The following PCMTD1 variants were observed in gnomAD, a reference collection of about 807,000 sequenced individuals.
PCMTD1 encodes protein-L-isoaspartate (D-aspartate) O-methyltransferase domain containing 1, also known as protein-L-isoaspartate O-methyltransferase domain-containing protein 1.
A neutral mutation model predicts 37.6 loss-of-function variants in PCMTD1; 12 were observed. The ratio of observed to expected loss-of-function variants is 0.32; its 90% CI spans 0.20 to 0.52. The LOEUF is 0.52. PCMTD1 is among the 20% of genes least tolerant of loss of function. The probability of loss-of-function intolerance (pLI) is 0.97; values close to 1 mark genes in which losing one functional copy is unlikely to be tolerated. For synonymous variants in PCMTD1, 117 were observed against 135.8 expected (o/e 0.86, Z 0.96); for missense variants, 235 against 421.3 (o/e 0.56, Z 3.87).
chr8:51,840,689 G>A (rs1157950839), intron 3 of PCMTD1, among the ~76,000 whole-genome samples: 1 of 151,970 alleles, frequency 6.6e-6, no homozygotes, highest in Non-Finnish European at 1.5e-5. Context: ...TGTGAAAAAT[G>A]AACACATAAT....
chr8:51,822,178 C>T (rs553316284), intron 5 of PCMTD1, among the ~76,000 whole-genome samples: 3 of 152,150 alleles, frequency 2.0e-5, no homozygotes, highest in African/African-American at 7.2e-5. Context: ...GTCCAAGGAG[C>T]CGAAGGAAGA....
intron 1 of PCMTD1, among the ~76,000 whole-genome samples, chr8:51,891,551 G>C (rs1038281995): frequency 6.6e-6 from 1 of 151,086 alleles, no homozygotes. Context: ...GCGAGGCCCT[G>C]TCTCAAAAAA....
intron 2 of PCMTD1, among the ~76,000 whole-genome samples, chr8:51,847,162 G>A (rs11777885): frequency 0.69 from 104,524 of 152,078 alleles, 42,379 homozygotes; most frequent in Non-Finnish European, 0.9. Flanking sequence ...GATAAACTGA[G>A]TAAAACTAAA....
intron 1 of PCMTD1, among the ~76,000 whole-genome samples, chr8:51,873,202 AGT>A (rs2038662815): frequency 1.3e-5 from 2 of 152,230 alleles, no homozygotes; most frequent in Non-Finnish European, 2.9e-5. Flanking sequence ...CAGGATGCAA[AGT>A]ATTACCTGCA....
intron 5 of PCMTD1, chr8:51,827,156 C>T (rs1249420803): frequency 9.5e-7 from 1 of 1,048,254 alleles, no homozygotes; most frequent in Non-Finnish European, 1.2e-6. Context: ...TGGCAAATAT[C>T]AATTTTCAAA....
At chr8:51,835,068 C>A (rs2038050670) in intron 3 of PCMTD1, among the ~76,000 whole-genome samples, 1 of 152,138 alleles carries the variant, frequency 6.6e-6, no homozygotes, top group African/African-American at 2.4e-5. Flanking sequence ...TATGAGTCTA[C>A]CATCAAGTCT....
intron 2 of PCMTD1, among the ~76,000 whole-genome samples, chr8:51,852,794 A>T (rs1563347136): frequency 6.6e-6 from 1 of 152,200 alleles, no homozygotes; most frequent in Non-Finnish European, 1.5e-5. Context: ...TGCATTATGT[A>T]ATTTAGAAGA....
chr8:51,823,736 CA>C (rs1427435691), intron 5 of PCMTD1, among the ~76,000 whole-genome samples: 1 of 152,028 alleles, frequency 6.6e-6, no homozygotes, highest in East Asian at 1.9e-4. Context: ...GGCAGAGACA[CA>C]ACAAAAAAAG....
At chr8:51,882,864 A>G (rs2038811159) in intron 1 of PCMTD1, among the ~76,000 whole-genome samples, 1 of 151,388 alleles carries the variant, frequency 6.6e-6, no homozygotes, top group South Asian at 2.1e-4. Flanking sequence ...GCAGTGGCTC[A>G]CACCTATAAT....
chr8:51,887,491 C>T (rs566651809), intron 1 of PCMTD1, among the ~76,000 whole-genome samples: 5 of 152,086 alleles, frequency 3.3e-5, no homozygotes, highest in African/African-American at 4.8e-5. Flanking sequence ...AGGTAAATAA[C>T]GCAAGGTTAT....
intron 1 of PCMTD1, among the ~76,000 whole-genome samples, chr8:51,893,635 T>A (rs12681734): frequency 0.19 from 28,217 of 152,100 alleles, 2,957 homozygotes; most frequent in Non-Finnish European, 0.23. Context: ...TTAATTTTTT[T>A]AAAAATTTAT....
At chr8:51,880,790 T>C (rs2038780162) in intron 1 of PCMTD1, among the ~76,000 whole-genome samples, 1 of 152,220 alleles carries the variant, frequency 6.6e-6, no homozygotes, top group South Asian at 2.1e-4. Flanking sequence ...CATTTTAGGA[T>C]TTGCAGGCAA....
intron 1 of PCMTD1, among the ~76,000 whole-genome samples, chr8:51,889,766 G>C (rs1200700981): frequency 6.6e-6 from 1 of 152,072 alleles, no homozygotes; most frequent in Admixed American, 6.5e-5. Flanking sequence ...TAAAGTGTCA[G>C]TTTTCCTGAA....
rs1375488453 is a variant in PCMTD1 at position 51,820,420 on chromosome 8, T to C, written c.1005A>G (p.Arg335=). The C allele has an allele frequency of 3.1e-6, 5 of 1,611,958 alleles. No homozygotes were observed. Among genetic ancestry groups the C allele is most frequent in the Non-Finnish European group, 4.2e-6 (5 of 1,179,424 alleles). The change falls in exon 6 of 6, where the codon AGA becomes AGG. Residue 335 remains arginine, a synonymous_variant. Coordinates refer to ENST00000522514, the MANE Select transcript of PCMTD1 (RefSeq NM_052937.4). ...GGAGGGGCAGCTTCATGATTTTTTC[T>C]CTCAGTAAATTTTGAGGTGGCTCCT... is the stretch of plus-strand genomic sequence containing the variant. ...KPEEPPQNLL[R]EKIMKLPLPE...
chr8:51,858,967 A>G (rs1007176657), intron 2 of PCMTD1, among the ~76,000 whole-genome samples: 5 of 152,226 alleles, frequency 3.3e-5, no homozygotes, highest in Admixed American at 1.3e-4. Context: ...ATCTGGCCAC[A>G]GACATCTAAT....
In PCMTD1 at chr8:51,861,117, T is replaced by G. The variant is rs759501975; in HGVS notation, c.35A>C (p.Asp12Ala). Residue 12 changes from aspartate to alanine, a missense_variant, in exon 2 of 6, where the codon GAT (aspartate) becomes GCT (alanine). By Grantham distance (126) the Asp-to-Ala change is moderately radical. Around this residue, in one of 3 missense-constraint regions of PCMTD1, gnomAD observed 183 missense variants for 349.3 expected, o/e 0.52. Transcript: ENST00000522514. ...TTCTTTTAAATTATCAATTAAGTCA[T>G]CATTATCTTCCCCAGCACTCACAGC... ...GGAVSAGEDN[D>A]DLIDNLKEAQ... is the part of the protein sequence containing the mutation. 1 of 1,613,884 alleles carries G rather than the reference T, an allele frequency of 6.2e-7. No homozygotes were observed. The highest frequency in any genetic ancestry group is 1.1e-5 in the South Asian group (1 of 91,080).
At chr8:51,860,109 T>C (rs1006378935) in intron 2 of PCMTD1, among the ~76,000 whole-genome samples, 4 of 152,228 alleles carry the variant, frequency 2.6e-5, no homozygotes, top group Non-Finnish European at 4.4e-5. Flanking sequence ...AGTTGTCACT[T>C]CCTAGATACG....
intron 1 of PCMTD1, among the ~76,000 whole-genome samples, chr8:51,871,719 T>G (rs2038641885): frequency 6.6e-6 from 1 of 152,228 alleles, no homozygotes; most frequent in Non-Finnish European, 1.5e-5. Flanking sequence ...AACTGTTGAC[T>G]AAGTGTAAAA....
chr8:51,859,016 G>C (rs912982992), intron 2 of PCMTD1, among the ~76,000 whole-genome samples: 10 of 152,092 alleles, frequency 6.6e-5, no homozygotes, highest in Non-Finnish European at 1.5e-5. Flanking sequence ...GTCTAAGAAG[G>C]CAACCTCACT....
Sources: gnomAD v4.1 joint callset for allele counts (sites outside exome capture counted in the v4.1 genomes callset) on GRCh38, gnomAD v4.1.1 for gene constraint, gnomAD v4.1.1 regional missense constraint, MANE v1.5 for transcripts, NCBI Gene and HGNC (gene_info 2026-07-23, HGNC 2026-07-21) for gene names.